SLMAP: variants seen among roughly 807,000 people sequenced by gnomAD.
The protein encoded by SLMAP is sarcolemmal membrane-associated protein.
A neutral mutation model predicts 128.8 loss-of-function variants in SLMAP; 44 were observed. The ratio of observed to expected loss-of-function variants is 0.34; its 90% CI spans 0.27 to 0.44. The LOEUF (loss-of-function observed/expected upper bound fraction) is 0.44. Among genes scored for constraint, SLMAP ranks in the 20% least tolerant of loss-of-function variants. SLMAP has a pLI of 1.00. For synonymous variants in SLMAP, 327 were observed against 348.8 expected (o/e 0.94, Z 0.70); for missense variants, 787 against 985.3 (o/e 0.80, Z 2.69).
chr3:57,872,019 A>T (rs761123651), intron 14 of SLMAP, among the ~76,000 whole-genome samples: 3 of 152,190 alleles, frequency 2.0e-5, no homozygotes, highest in Non-Finnish European at 4.4e-5. Context: ...TAGTTTGGGC[A>T]CTCCATTCTG....
intron 2 of SLMAP, among the ~76,000 whole-genome samples, 163 bp from the exon 3 acceptor site, chr3:57,831,220 A>G (rs2093319009): frequency 6.6e-6 from 1 of 152,184 alleles, no homozygotes; most frequent in Admixed American, 6.5e-5. Context: ...TTCTAATTTC[A>G]TATATATTAA....
intron 17 of SLMAP, chr3:57,900,933 C>T (rs926480384): frequency 6.6e-6 from 1 of 152,230 alleles, no homozygotes; most frequent in African/African-American, 2.4e-5. Context: ...CGTGAACACT[C>T]TGCCCTGGCA....
At position 57,847,169 on chromosome 3, in the gene SLMAP, G is replaced by A. The variant is rs751985596; in HGVS notation, c.420-28G>A. 2.0e-6 allele frequency: 3 copies of A among 1,531,088 alleles called. No individual in the cohort carries two copies. The African/African-American group carries it at 4.1e-5, about 21-fold the overall frequency. The allele number at this position is 1,531,088 out of a possible 1,614,324, so 94.8% of individuals were successfully genotyped here. ...TGTTTCCTCTATTGTCCGGATATTA[G>A]ATAAAACTTCTAAATTTTACTTTTC... On this transcript the variant is annotated intron_variant, in intron 4 of 24. Coordinates refer to ENST00000671191, the MANE Select transcript of SLMAP (RefSeq NM_001377540.1).
At chr3:57,824,914 C>T (rs2092807164) in intron 2 of SLMAP, among the ~76,000 whole-genome samples, 2 of 152,068 alleles carry the variant, frequency 1.3e-5, no homozygotes, top group Non-Finnish European at 2.9e-5. Context: ...TTTATTTAGA[C>T]CATCTTTAAT....
intron 3 of SLMAP, among the ~76,000 whole-genome samples, chr3:57,836,050 TTA>T (rs1217734047): frequency 6.6e-6 from 1 of 152,078 alleles, no homozygotes; most frequent in African/African-American, 2.4e-5. Flanking sequence ...AAAGAAAAAA[TTA>T]TATTAATTGC....
intron 2 of SLMAP, among the ~76,000 whole-genome samples, chr3:57,816,224 A>G (rs1346492005): frequency 6.6e-6 from 1 of 152,072 alleles, no homozygotes; most frequent in East Asian, 1.9e-4. Flanking sequence ...GTTCATTGCA[A>G]CTTCTGCCTC....
chr3:57,781,729 A>ATTTTTTTTTTTT (rs748021832), intron 2 of SLMAP, among the ~76,000 whole-genome samples: 4 of 109,160 alleles, frequency 3.7e-5, no homozygotes, highest in African/African-American at 3.6e-5. Flanking sequence ...ATATTGACTG[A>ATTTTTTTTTTTT]TTTTTTTTTT....
At chr3:57,910,454 T>C (rs2153687571) in intron 19 of SLMAP, among the ~76,000 whole-genome samples, 1 of 152,286 alleles carries the variant, frequency 6.6e-6, no homozygotes, top group African/African-American at 2.4e-5. Flanking sequence ...AGTGCAGAGA[T>C]TACAGGCATG....
At chr3:57,811,642 A>G (rs191440918) in intron 2 of SLMAP, among the ~76,000 whole-genome samples, 1 of 152,288 alleles carries the variant, frequency 6.6e-6, no homozygotes, top group Admixed American at 6.5e-5. Flanking sequence ...TTCTTTTTCA[A>G]AATTTTTGAG....
intron 3 of SLMAP, among the ~76,000 whole-genome samples, chr3:57,839,796 T>C (rs1424773199): frequency 6.6e-6 from 1 of 152,136 alleles, no homozygotes; most frequent in Non-Finnish European, 1.5e-5. Flanking sequence ...TGACCTCAGG[T>C]GATCTGCCTC....
At chr3:57,890,458 C>T (rs1418228539) in intron 15 of SLMAP, 1 of 178,438 alleles carries the variant, frequency 5.6e-6, no homozygotes, top group Non-Finnish European at 1.2e-5. Context: ...TGTGATACAA[C>T]TTAAGTGAAA....
chr3:57,843,398 C>T (rs1011894542), intron 4 of SLMAP, among the ~76,000 whole-genome samples: 8 of 146,516 alleles, frequency 5.5e-5, no homozygotes, highest in Non-Finnish European at 1.0e-4. Context: ...CTCCACCTCC[C>T]GGGTTCAAGC....
At chr3:57,883,379 C>T (rs1479573518) in intron 14 of SLMAP, among the ~76,000 whole-genome samples, 4 of 152,120 alleles carry the variant, frequency 2.6e-5, no homozygotes, top group Non-Finnish European at 5.9e-5. Context: ...AGAAATTACT[C>T]AAGGTAGTTA....
chr3:57,827,686 A>G (rs1217487259), intron 2 of SLMAP, among the ~76,000 whole-genome samples: 2 of 152,218 alleles, frequency 1.3e-5, no homozygotes, highest in Non-Finnish European at 2.9e-5. Context: ...TAATGCAAAT[A>G]CTACAGCTGC....
intron 2 of SLMAP, among the ~76,000 whole-genome samples, chr3:57,792,731 T>C (rs981810368): frequency 5.3e-5 from 8 of 152,178 alleles, no homozygotes; most frequent in African/African-American, 1.4e-4. Flanking sequence ...ATATGGGAAA[T>C]GTATTAATAT....
Position 57,778,570 on chromosome 3 carries a change from C to CTT in SLMAP, c.198+20739_198+20740dup, listed in dbSNP as rs1171049495. On this transcript the variant is annotated intron_variant, in intron 2 of 24. Coordinates refer to ENST00000671191, the MANE Select transcript of SLMAP (RefSeq NM_001377540.1). The stretch of plus-strand genomic sequence containing the variant: ...TTTCTAGTTTCTCTTTTCTTTCTTT[C>CTT]TTTTTTTTTTTTTTTTTTTGAGACC... Among the ~76,000 whole-genome samples, 67 of 115,104 alleles carry CTT rather than the reference C, an allele frequency of 5.8e-4. 1 individual carries two copies. The highest frequency in any genetic ancestry group is 2.0e-3 in the South Asian group (7 of 3,554). The allele number at this position is 115,104 out of a possible 152,430, so 75.5% of individuals were successfully genotyped here.
intron 19 of SLMAP, among the ~76,000 whole-genome samples, chr3:57,910,837 A>C (rs575339697): frequency 1.3e-5 from 2 of 152,350 alleles, no homozygotes; most frequent in South Asian, 4.1e-4. Context: ...AGTAATCACT[A>C]TTCAGAAGAG....
intron 10 of SLMAP, among the ~76,000 whole-genome samples, chr3:57,862,638 C>CAAAAAAAA (rs752561093): frequency 3.1e-5 from 3 of 96,386 alleles, no homozygotes; most frequent in African/African-American, 8.3e-5. Flanking sequence ...CTTCGTCTCA[C>CAAAAAAAA]AAAAAAAAAA....
At chr3:57,763,834 A>G (rs11713595) in intron 2 of SLMAP, among the ~76,000 whole-genome samples, 50,106 of 151,920 alleles carry the variant, frequency 0.33, 8,506 homozygotes, top group East Asian at 0.51. Flanking sequence ...TTTTTTGGTT[A>G]TTTTTATTTT....
Sources: gnomAD v4.1 joint callset for allele counts (sites outside exome capture counted in the v4.1 genomes callset) on GRCh38, gnomAD v4.1.1 for gene constraint, MANE v1.5 for transcripts, NCBI Gene and HGNC (gene_info 2026-07-23, HGNC 2026-07-21) for gene names.